The following HSDL2 variants were observed in gnomAD, a reference collection of about 807,000 sequenced individuals.
HSDL2 encodes the protein hydroxysteroid dehydrogenase-like protein 2.
In HSDL2, 27 loss-of-function variants were observed where a neutral mutation model predicts 46.3. That is an observed-to-expected ratio of 0.58 (90% CI 0.43 to 0.80). The LOEUF (loss-of-function observed/expected upper bound fraction) is 0.80, where lower values mean the gene tolerates loss of function less well. Ranked by LOEUF, HSDL2 falls within the 30% of genes least tolerant of loss-of-function variation. The pLI is 0.00. For missense variants in HSDL2, 451 were observed against 502.7 expected, an observed-to-expected ratio of 0.90 and a Z score of 0.98; for synonymous variants, 153 against 163.6, an observed-to-expected ratio of 0.94 and a Z score of 0.50.
At chr9:112,387,398 T>G (rs1049808352) in intron 1 of HSDL2, among the ~76,000 whole-genome samples, 12 of 152,040 alleles carry the variant, frequency 7.9e-5, no homozygotes, top group African/African-American at 2.9e-4. Flanking sequence ...TTTGTATTTT[T>G]TAGTAGAGAT....
chr9:112,409,026 G>A lies in HSDL2; in HGVS notation c.395+5G>A, dbSNP rs1831799323. 6.5e-7 allele frequency: 1 copy of A among 1,528,632 alleles called. No individual in the cohort carries two copies. The highest frequency in any genetic ancestry group is 9.0e-7 in the Non-Finnish European group (1 of 1,108,102). 94.7% of individuals were successfully genotyped at this position (1,528,632 alleles called of 1,614,324 possible). On this transcript the variant is annotated splice_donor_5th_base_variant and intron_variant, in intron 4 of 10. Coordinates refer to ENST00000398805, the MANE Select transcript of HSDL2 (RefSeq NM_032303.5). ...CACCAGAGGCACCTACCTTGCGTAA[G>A]TTTGCAAGAAGAGTTGTTGGGGAGG... is the stretch of plus-strand genomic sequence containing the variant.
chr9:112,395,745 T>A (rs1448715625), intron 1 of HSDL2, among the ~76,000 whole-genome samples: 1 of 152,258 alleles, frequency 6.6e-6, no homozygotes, highest in Non-Finnish European at 1.5e-5. Flanking sequence ...TAATGGCCCT[T>A]AAAGCAGTTA....
chr9:112,462,750 A>G (rs1376446307), intron 10 of HSDL2, among the ~76,000 whole-genome samples: 1 of 152,100 alleles, frequency 6.6e-6, no homozygotes, highest in Non-Finnish European at 1.5e-5. Context: ...AATGATTTTT[A>G]ATAAATTTAT....
chr9:112,439,147 T>C (rs1832590196), intron 7 of HSDL2, among the ~76,000 whole-genome samples: 1 of 152,150 alleles, frequency 6.6e-6, no homozygotes, highest in South Asian at 2.1e-4. Flanking sequence ...ACTATAGGCA[T>C]GTGCCACCAC....
At chr9:112,464,304 T>C (rs1833312535) in intron 10 of HSDL2, among the ~76,000 whole-genome samples, 1 of 152,146 alleles carries the variant, frequency 6.6e-6, no homozygotes, top group African/African-American at 2.4e-5. Context: ...TCTTTATAAA[T>C]TCTGGATGCA....
chr9:112,405,768 A>G, intron 3 of HSDL2, 46 bp downstream of exon 3: 1 of 1,147,854 alleles, frequency 8.7e-7, no homozygotes, highest in Non-Finnish European at 1.3e-6. Flanking sequence ...GGTAAAATAA[A>G]GGTATAACTA....
At chr9:112,394,627 C>G (rs184374417) in intron 1 of HSDL2, among the ~76,000 whole-genome samples, 26 of 152,188 alleles carry the variant, frequency 1.7e-4, no homozygotes, top group African/African-American at 6.0e-4. Context: ...GGGGTATCTC[C>G]TATTACTCCC....
chr9:112,386,149 AT>A (rs1324319583), intron 1 of HSDL2, among the ~76,000 whole-genome samples: 3 of 152,060 alleles, frequency 2.0e-5, no homozygotes, highest in Admixed American at 1.3e-4. Context: ...GTAATAATAT[AT>A]TTTAATTCTC....
At chr9:112,459,823 G>A (rs1293653019) in intron 10 of HSDL2, among the ~76,000 whole-genome samples, 3 of 152,178 alleles carry the variant, frequency 2.0e-5, no homozygotes, top group Non-Finnish European at 4.4e-5. Flanking sequence ...TGGGAACAGT[G>A]AGATAATTCA....
At chr9:112,433,190 G>A (rs1832448104) in intron 6 of HSDL2, among the ~76,000 whole-genome samples, 1 of 152,186 alleles carries the variant, frequency 6.6e-6, no homozygotes, top group East Asian at 1.9e-4. Context: ...TTTTCAAAAA[G>A]GAGAACTGGG....
At chr9:112,447,154 G>A (rs1219997476) in intron 8 of HSDL2, among the ~76,000 whole-genome samples, 2 of 152,140 alleles carry the variant, frequency 1.3e-5, no homozygotes, top group South Asian at 2.1e-4. Flanking sequence ...GTGAAGTTAG[G>A]AGAGCCTGTG....
intron 1 of HSDL2, among the ~76,000 whole-genome samples, chr9:112,392,392 A>T (rs1053892972): frequency 6.6e-6 from 1 of 152,222 alleles, no homozygotes; most frequent in Non-Finnish European, 1.5e-5. Flanking sequence ...TTACCAGGGC[A>T]GAGTTTTTCC....
intron 4 of HSDL2, among the ~76,000 whole-genome samples, chr9:112,415,364 T>G (rs1027372635): frequency 1.3e-5 from 2 of 152,188 alleles, no homozygotes; most frequent in Non-Finnish European, 2.9e-5. Context: ...TTGTCCTAAG[T>G]ATCTCATATA....
intron 1 of HSDL2, among the ~76,000 whole-genome samples, chr9:112,393,717 G>A (rs906132564): frequency 3.3e-5 from 5 of 152,218 alleles, no homozygotes; most frequent in Non-Finnish European, 5.9e-5. Flanking sequence ...AGATTCCCAA[G>A]GTCTGGGTAA....
Position 112,404,080 on chromosome 9 carries a change from G to A in HSDL2, c.103G>A (p.Ala35Thr). Residue 35 changes from alanine (A) to threonine (T), a missense_variant, in exon 2 of 11, where the codon GCA becomes ACA. Ala to Thr is a moderately conservative substitution (Grantham distance 58). Transcript: ENST00000398805. ...AIALKAAKDG[A>T]NIVIAAKTAQ... ...TGCATTGAAAGCAGCAAAGGATGGA[G>A]CAAATATTGTTATTGCTGCAAAGAC... is the stretch of plus-strand genomic sequence containing the variant. 1 of 1,614,148 alleles carries A rather than the reference G, an allele frequency of 6.2e-7. No individual in the cohort carries two copies. Among genetic ancestry groups the A allele is most frequent in the Non-Finnish European group, 8.5e-7 (1 of 1,179,996 alleles).
At chr9:112,468,771 C>T (rs1442465231) in intron 10 of HSDL2, among the ~76,000 whole-genome samples, 1 of 152,172 alleles carries the variant, frequency 6.6e-6, no homozygotes, top group East Asian at 1.9e-4. Flanking sequence ...TATCTTTTGT[C>T]TGAGCCAGCA....
rs1359034730 is a variant in HSDL2, at chr9:112,441,781, G to A, written c.865+11G>A. On this transcript the variant is annotated intron_variant, in intron 8 of 10. Transcript: ENST00000398805. Reference sequence around the variant, plus strand: ...AAGTGGAATCAACTGGTAAGATCTAGACTATATTTTATGTTAGAAAATATA... The same window carrying A: ...AAGTGGAATCAACTGGTAAGATCTAAACTATATTTTATGTTAGAAAATATA... 6.7e-7 allele frequency: 1 copy of A among 1,497,498 alleles called. No homozygotes were observed. The highest frequency in any genetic ancestry group is 9.3e-7 in the Non-Finnish European group (1 of 1,075,382). 92.8% of individuals were successfully genotyped at this position (1,497,498 alleles called of 1,614,324 possible).
At chr9:112,397,207 G>A (rs1038528308) in intron 1 of HSDL2, among the ~76,000 whole-genome samples, 5 of 152,154 alleles carry the variant, frequency 3.3e-5, no homozygotes, top group African/African-American at 1.2e-4. Context: ...AGTCGAGCCG[G>A]TTTGATTGCC....
intron 4 of HSDL2, among the ~76,000 whole-genome samples, chr9:112,409,864 A>AG (rs1008339414): frequency 5.9e-5 from 9 of 152,062 alleles, no homozygotes; most frequent in African/African-American, 2.2e-4. Context: ...AGAAAAAAAA[A>AG]AAAGACTAAA....
Sources: gnomAD v4.1 joint callset for allele counts (sites outside exome capture counted in the v4.1 genomes callset) on GRCh38, gnomAD v4.1.1 for gene constraint, MANE v1.5 for transcripts, NCBI Gene and HGNC (gene_info 2026-07-23, HGNC 2026-07-21) for gene names.